The following RASA2 variants were observed in gnomAD, a reference collection of about 807,000 sequenced individuals.
The protein encoded by RASA2 is ras GTPase-activating protein 2.
In RASA2, 155 loss-of-function variants were observed where a neutral mutation model predicts 118.2. The observed-to-expected ratio is 1.31, with a 90% CI of 1.15 to 1.50. RASA2 has a LOEUF of 1.50. Among genes scored for constraint, RASA2 ranks in the 40% most tolerant of loss-of-function variants. The pLI, the probability that RASA2 is intolerant of heterozygous loss-of-function variation, is 0.00. For synonymous variants in RASA2, 353 were observed against 349.1 expected (o/e 1.01, Z -0.12); for missense variants, 1,016 against 1,009.6 (o/e 1.01, Z -0.09).
intron 9 of RASA2, among the ~76,000 whole-genome samples, chr3:141,563,726 A>G (rs538344653): frequency 6.6e-6 from 1 of 152,362 alleles, no homozygotes; most frequent in East Asian, 1.9e-4. Context: ...AAGGTCACAC[A>G]GCTGGGATTT....
At chr3:141,500,593 C>T (rs573421311) in intron 1 of RASA2, among the ~76,000 whole-genome samples, 4 of 152,208 alleles carry the variant, frequency 2.6e-5, no homozygotes, top group African/African-American at 7.2e-5. Flanking sequence ...TTAAATGACT[C>T]GGTATACTGC....
chr3:141,612,313 G>T lies in RASA2; in HGVS notation c.2550G>T (p.Ter850TyrextTer47). ...KENPIVGKAS[*>Y] ...ATCCAATTGTTGGGAAAGCATCTTA[G>T]AGTTTAACAGATTGGTTCAGAAGAA... The change falls in exon 24 of 24, where the codon TAG (stop) becomes TAT (tyrosine). Residue 850 changes from the stop codon to tyrosine (Y), a stop_lost. Coordinates refer to ENST00000286364, the MANE Select transcript of RASA2 (RefSeq NM_006506.5). 1.3e-6 allele frequency: 2 copies of T among 1,584,736 alleles called. No homozygotes were observed. Among genetic ancestry groups the T allele is most frequent in the South Asian group, 2.3e-5 (2 of 87,744 alleles).
chr3:141,578,394 T>C (rs2083047009), intron 15 of RASA2: 1 of 152,250 alleles, frequency 6.6e-6, no homozygotes, highest in Non-Finnish European at 1.5e-5. Flanking sequence ...AGTAAGATAC[T>C]CTTTGCCCTT....
intron 3 of RASA2, among the ~76,000 whole-genome samples, chr3:141,522,286 A>G (rs950213236): frequency 5.3e-5 from 8 of 152,046 alleles, no homozygotes; most frequent in Admixed American, 1.3e-4. Context: ...GTCAGTAGAG[A>G]TGGACCACTG....
chr3:141,531,900 G>T (rs552919459), intron 4 of RASA2, among the ~76,000 whole-genome samples: 1 of 151,852 alleles, frequency 6.6e-6, no homozygotes, highest in Non-Finnish European at 1.5e-5. Context: ...TCATCCCATG[G>T]TTCATACAAA....
At chr3:141,584,355 A>AT (rs2083166200) in intron 17 of RASA2, among the ~76,000 whole-genome samples, 4 of 141,518 alleles carry the variant, frequency 2.8e-5, no homozygotes, top group Admixed American at 6.9e-5. Flanking sequence ...AAAAAAAAAA[A>AT]GAAAGGAAAA....
intron 21 of RASA2, 47 bp from the exon 22 acceptor site, chr3:141,609,370 TAAC>T (rs1377538802): frequency 7.5e-6 from 9 of 1,199,482 alleles, no homozygotes; most frequent in Non-Finnish European, 1.0e-5. Flanking sequence ...CTTGGCATGT[TAAC>T]AAAATAAAAT....
At chr3:141,579,472 C>T (rs1312873646) in intron 15 of RASA2, 1 of 152,008 alleles carries the variant, frequency 6.6e-6, no homozygotes, top group East Asian at 1.9e-4. Flanking sequence ...GATAATAGAC[C>T]CAAATAATCA....
At chr3:141,564,327 G>A (rs1411911863) in intron 9 of RASA2, among the ~76,000 whole-genome samples, 1 of 152,146 alleles carries the variant, frequency 6.6e-6, no homozygotes, top group African/African-American at 2.4e-5. Context: ...TGTTTTGACT[G>A]TAGAGTTCAG....
At chr3:141,489,550 A>G (rs980058269) in intron 1 of RASA2, among the ~76,000 whole-genome samples, 8 of 152,332 alleles carry the variant, frequency 5.3e-5, no homozygotes, top group African/African-American at 1.4e-4. Flanking sequence ...GATAGTGCCC[A>G]CTAGGAGATG....
At chr3:141,501,886 TAAATGACA>T (rs1431856904) in intron 1 of RASA2, among the ~76,000 whole-genome samples, 1 of 152,154 alleles carries the variant, frequency 6.6e-6, no homozygotes, top group Non-Finnish European at 1.5e-5. Context: ...GTTGTGAATG[TAAATGACA>T]AAATGTGCAT....
chr3:141,527,239 G>A (rs1366592754), intron 3 of RASA2, among the ~76,000 whole-genome samples: 1 of 152,094 alleles, frequency 6.6e-6, no homozygotes, highest in East Asian at 1.9e-4. Flanking sequence ...TTATATGTAT[G>A]TACATATGTA....
chr3:141,580,562 A>ACACACG, intron 16 of RASA2, 111 bp downstream of exon 16: 1 of 636,368 alleles, frequency 1.6e-6, no homozygotes, highest in Non-Finnish European at 2.7e-6. Context: ...ACATACACAC[A>ACACACG]CACACACACA....
At chr3:141,545,559 C>T (rs1390072510) in intron 5 of RASA2, among the ~76,000 whole-genome samples, 1 of 150,348 alleles carries the variant, frequency 6.7e-6, no homozygotes, top group African/African-American at 2.5e-5. Flanking sequence ...AGTGATTCTC[C>T]TGCCTCAGCC....
intron 9 of RASA2, among the ~76,000 whole-genome samples, chr3:141,567,140 G>C (rs1301797610): frequency 6.6e-6 from 1 of 152,142 alleles, no homozygotes; most frequent in African/African-American, 2.4e-5. Flanking sequence ...TCCAGGCCAG[G>C]CATGGTGGCT....
rs1227780410 is a variant in RASA2 at position 141,559,897 on chromosome 3, C to T, written c.765C>T (p.Ile255=). ...AAAGCCAGTTTTCAATTTTCAGGAT[C>T]GACTTGTGGAACAATGGAAACCTAG... ...EEDIEKLEIR[I]DLWNNGNLVQ... is the part of the protein sequence containing the mutation. The change falls in exon 9 of 24, where the codon ATC becomes ATT. Residue 255 remains isoleucine, a synonymous_variant. Coordinates refer to ENST00000286364, the MANE Select transcript of RASA2 (RefSeq NM_006506.5). 8.7e-6 allele frequency: 14 copies of T among 1,612,342 alleles called. No homozygotes were observed. The highest frequency in any genetic ancestry group is 6.7e-5 in the African/African-American group (5 of 74,856).
intron 4 of RASA2, among the ~76,000 whole-genome samples, chr3:141,535,208 CAT>C (rs1488015526): frequency 6.6e-6 from 1 of 152,098 alleles, no homozygotes; most frequent in Non-Finnish European, 1.5e-5. Flanking sequence ...TTATTTAAGA[CAT>C]ATTGCACACT....
At chr3:141,548,056 C>G (rs1298051566) in intron 5 of RASA2, among the ~76,000 whole-genome samples, 2 of 152,134 alleles carry the variant, frequency 1.3e-5, no homozygotes, top group Non-Finnish European at 2.9e-5. Flanking sequence ...GATGAATGAT[C>G]TTTTTAACGT....
chr3:141,534,706 GA>G (rs989376616), intron 4 of RASA2, among the ~76,000 whole-genome samples: 2 of 151,460 alleles, frequency 1.3e-5, no homozygotes, highest in Non-Finnish European at 2.9e-5. Flanking sequence ...CCCTATTCAA[GA>G]CATAACAAAT....
Sources: gnomAD v4.1 joint callset for allele counts (sites outside exome capture counted in the v4.1 genomes callset) on GRCh38, gnomAD v4.1.1 for gene constraint, MANE v1.5 for transcripts, NCBI Gene and HGNC (gene_info 2026-07-23, HGNC 2026-07-21) for gene names.